Variants in DDO observed in about 807,000 individuals in gnomAD.
DDO encodes D-aspartate oxidase, also known as D-aspartate oxidase, DDO.
Under a neutral mutation model 16.8 loss-of-function variants are expected in DDO, and 16 were observed. The observed-to-expected ratio is 0.95, with a 90% CI of 0.65 to 1.45. DDO has a LOEUF of 1.45. DDO is among the 40% of genes most tolerant of loss of function. The pLI, the probability that DDO is intolerant of heterozygous loss-of-function variation, is 0.00. For missense variants in DDO, 429 were observed against 420.3 expected (o/e 1.02, Z -0.18); for synonymous variants, 180 against 167.2 (o/e 1.08, Z -0.59).
At chr6:110,415,438 C>G (rs780641994) in intron 1 of DDO, 29 bp downstream of exon 1, 2 of 1,613,360 alleles carry the variant, frequency 1.2e-6, no homozygotes, top group Non-Finnish European at 1.7e-6. Context: ...ACGGAACGAC[C>G]CCTCAGCTGA....
intron 3 of DDO, among the ~76,000 whole-genome samples, chr6:110,408,020 C>G (rs1053915969): frequency 6.6e-6 from 1 of 152,190 alleles, no homozygotes; most frequent in Non-Finnish European, 1.5e-5. Context: ...CCCACATCAC[C>G]CAAATCCAGC....
chr6:110,404,904 C>A lies in DDO; in HGVS notation c.328G>T (p.Ala110Ser). 6.2e-7 allele frequency: 1 copy of A among 1,614,200 alleles called. No individual in the cohort carries two copies. Among genetic ancestry groups the A allele is most frequent in the South Asian group, 1.1e-5 (1 of 91,078 alleles). The part of the protein sequence containing the change: ...STPTEEVPFW[A>S]DVVLGFRKMT... ...TTTCGAAATCCCAGAACCACGTCAG[C>A]CCAGAATGGCACTTCTTCAGTCGGA... Residue 110 changes from alanine (A) to serine (S), a missense_variant, in exon 4 of 5, where the codon GCT becomes TCT. Ala to Ser is a moderately conservative substitution (Grantham distance 99). Transcript: ENST00000368924.
intron 4 of DDO, among the ~76,000 whole-genome samples, chr6:110,400,615 C>T (rs1202268862): frequency 1.3e-5 from 2 of 152,230 alleles, no homozygotes; most frequent in African/African-American, 4.8e-5. Flanking sequence ...AACAATTTGG[C>T]CCTTAAAGCA....
chr6:110,399,982 G>T (rs1773422369), intron 4 of DDO, among the ~76,000 whole-genome samples: 2 of 152,154 alleles, frequency 1.3e-5, no homozygotes, highest in South Asian at 4.1e-4. Context: ...GCCGGGAGGC[G>T]GCGTATTCCC....
intron 2 of DDO, among the ~76,000 whole-genome samples, chr6:110,409,141 T>C (rs1458161575): frequency 2.0e-5 from 3 of 152,200 alleles, no homozygotes; most frequent in African/African-American, 7.2e-5. Context: ...CAGGCACCTC[T>C]GCCAGAGCAC....
intron 4 of DDO, among the ~76,000 whole-genome samples, chr6:110,399,600 C>G (rs899512047): frequency 6.6e-6 from 1 of 151,836 alleles, no homozygotes; most frequent in Non-Finnish European, 1.5e-5. Flanking sequence ...AGAGGAGTCC[C>G]GTGCTGCAAA....
rs183930051 is a variant in DDO, at chr6:110,401,820, G to A, written c.458+2954C>T. 4.0e-4 allele frequency among the ~76,000 whole-genome samples: 61 copies of A among 152,324 alleles called. No homozygotes were observed. The East Asian group carries it at 4.4e-3, about 11-fold the overall frequency. ...TTCATGGGAATAGGATATTTACATA[G>A]TTTCAGGTATATCACAACAAAATAT... is the stretch of plus-strand genomic sequence containing the variant. On this transcript the variant is annotated intron_variant, in intron 4 of 4. Transcript: ENST00000368924.
chr6:110,396,004 A>T (rs1212171577), intron 4 of DDO, among the ~76,000 whole-genome samples: 1 of 152,198 alleles, frequency 6.6e-6, no homozygotes, highest in Non-Finnish European at 1.5e-5. Flanking sequence ...ACTCAAGCCT[A>T]GGAGACAGAG....
rs1469646240 is a variant in DDO, at chr6:110,404,844, A to G, written c.388T>C (p.Tyr130His). 3 of 1,614,026 alleles carry G rather than the reference A, an allele frequency of 1.9e-6. No homozygotes were observed. In the African/African-American group the frequency reaches 4.0e-5, roughly 22 times the overall value. Residue 130 changes from tyrosine (Y) to histidine (H), a missense_variant, in exon 4 of 5, where the codon TAT becomes CAT. Physicochemically the swap from Tyr to His is moderately conservative, Grantham distance 83 (BLOSUM62 2). Transcript: ENST00000368924. ...TEAELKKFPQYVFGQAFTTLK... is the reference protein window; with the variant it reads ...TEAELKKFPQHVFGQAFTTLK... ...GTTGTAAAAGCCTGACCAAACACATACTGGGGGAATTTCTTCAGCTCAGCC... is the reference window on the plus strand; with the variant it reads ...GTTGTAAAAGCCTGACCAAACACATGCTGGGGGAATTTCTTCAGCTCAGCC...
At position 110,392,742 on chromosome 6, in the gene DDO, T is replaced by C. The variant is rs1773138451; in HGVS notation, c.*33A>G. ...ACCTGTTCTGTGCTTTGATCAACAG[T>C]CTCTCAGTCTCTTTGCTGTCATTTT... is the stretch of plus-strand genomic sequence containing the variant. On this transcript the variant is annotated 3_prime_UTR_variant, in exon 5 of 5. Transcript: ENST00000368924. The C allele has an allele frequency of 6.6e-7, 1 of 1,505,504 alleles. No individual in the cohort carries two copies. Among genetic ancestry groups the C allele is most frequent in the Admixed American group, 2.2e-5 (1 of 44,644 alleles). The allele number at this position is 1,505,504 out of a possible 1,614,324, so 93.3% of individuals were successfully genotyped here.
intron 2 of DDO, among the ~76,000 whole-genome samples, chr6:110,409,751 A>G (rs914294800): frequency 1.3e-5 from 2 of 152,234 alleles, no homozygotes; most frequent in South Asian, 2.1e-4. Context: ...TTTGGCCTCA[A>G]ATAGACTTTA....
At chr6:110,394,309 G>C (rs781074835) in intron 4 of DDO, among the ~76,000 whole-genome samples, 29 of 152,232 alleles carry the variant, frequency 1.9e-4, no homozygotes, top group African/African-American at 6.0e-4. Flanking sequence ...GTTTTGCCAT[G>C]TTGCCCAGGC....
In DDO at chr6:110,408,432, A is replaced by C; in HGVS notation, c.183T>G (p.Ile61Met). Residue 61 changes from isoleucine (I) to methionine (M), a missense_variant, in exon 3 of 5, where the codon ATT becomes ATG. Transcript: ENST00000368924. The stretch of plus-strand genomic sequence containing the variant: ...CTCTGAACCACTGCTTCTGCGTGTG[A>C]ATGGGTGTATCTGTAATCATGGAGA... ...LIPHTYPDTP[I>M]HTQKQWFRET... is the part of the protein sequence containing the mutation. 6.2e-7 allele frequency: 1 copy of C among 1,614,138 alleles called. No homozygotes were observed. Among genetic ancestry groups the C allele is most frequent in the Non-Finnish European group, 8.5e-7 (1 of 1,180,008 alleles).
At chr6:110,413,551 T>C in intron 1 of DDO, 85 bp from the exon 2 acceptor site, 2 of 1,431,526 alleles carry the variant, frequency 1.4e-6, no homozygotes, top group Non-Finnish European at 9.6e-7. Context: ...GTTTTTTCCT[T>C]AGGTCTTCAG....
intron 4 of DDO, among the ~76,000 whole-genome samples, chr6:110,394,389 G>A (rs577764442): frequency 4.4e-4 from 67 of 152,290 alleles, no homozygotes; most frequent in African/African-American, 1.6e-3. Context: ...TTATAGGCAT[G>A]AGCCACCGTG....
chr6:110,405,277 A>C (rs1473684210), intron 3 of DDO, among the ~76,000 whole-genome samples: 1 of 152,196 alleles, frequency 6.6e-6, no homozygotes. Flanking sequence ...GACTCAAGTG[A>C]TCCACCCACC....
At chr6:110,393,814 C>T (rs1343324167) in intron 4 of DDO, among the ~76,000 whole-genome samples, 1 of 152,146 alleles carries the variant, frequency 6.6e-6, no homozygotes, top group African/African-American at 2.4e-5. Flanking sequence ...ATATCCCCAC[C>T]AGCTTTATGT....
intron 1 of DDO, among the ~76,000 whole-genome samples, chr6:110,414,587 C>T (rs1016828251): frequency 5.3e-5 from 8 of 152,252 alleles, no homozygotes; most frequent in African/African-American, 1.7e-4. Flanking sequence ...TCAGCATCCC[C>T]GCCTGCCTTT....
In DDO at chr6:110,393,205, A is replaced by G. The variant is rs771155619; in HGVS notation, c.596T>C (p.Val199Ala). Reference protein sequence around the residue: ...QLAGDSKIFPVRGQVLQVQAP... With the variant: ...QLAGDSKIFPARGQVLQVQAP... ...CTGAACTTGGAGGACTTGGCCCCTTACAGGGAAAATCTTTGAGTCTCCTGC... is the reference window on the plus strand; with the variant it reads ...CTGAACTTGGAGGACTTGGCCCCTTGCAGGGAAAATCTTTGAGTCTCCTGC... Residue 199 changes from valine to alanine, a missense_variant, in exon 5 of 5, where the codon GTA (valine) becomes GCA (alanine). Physicochemically the swap from Val to Ala is moderately conservative, Grantham distance 64. Coordinates refer to ENST00000368924, the MANE Select transcript of DDO (RefSeq NM_001372108.2). 3.7e-6 allele frequency: 6 copies of G among 1,614,262 alleles called. No homozygotes were observed. The East Asian group carries it at 8.9e-5, about 24-fold the overall frequency.
Sources: allele counts gnomAD v4.1 joint callset (sites outside exome capture counted in the v4.1 genomes callset), GRCh38; gene constraint gnomAD v4.1.1; transcripts MANE v1.5; gene names NCBI Gene and HGNC (gene_info 2026-07-23, HGNC 2026-07-21).